The following TRPM3 variants were observed in gnomAD, a reference collection of about 807,000 sequenced individuals.
The protein encoded by TRPM3 is transient receptor potential cation channel subfamily M member 3, also known as long transient receptor potential channel 3.
TRPM3 carries 77 observed loss-of-function variants against 181.2 expected under a neutral mutation model. That is an observed-to-expected ratio of 0.42 (90% confidence interval 0.35 to 0.51). The LOEUF is 0.51. Ranked by LOEUF, TRPM3 falls within the 20% of genes least tolerant of loss-of-function variation. The pLI is 0.01. For missense variants in TRPM3, 1,759 were observed against 2,196.7 expected (o/e 0.80, Z 3.98); for synonymous variants, 745 against 796.4 (o/e 0.94, Z 1.09).
intron 1 of TRPM3, among the ~76,000 whole-genome samples, chr9:70,952,777 A>T (rs1162472022): frequency 6.6e-6 from 1 of 152,132 alleles, no homozygotes; most frequent in Non-Finnish European, 1.5e-5. Flanking sequence ...CTGGATAGGT[A>T]AGTAGGAACC....
At chr9:71,380,572 A>G (rs1428009137) in intron 1 of TRPM3, among the ~76,000 whole-genome samples, 1 of 152,106 alleles carries the variant, frequency 6.6e-6, no homozygotes, top group African/African-American at 2.4e-5. Context: ...ACTTCTTTTT[A>G]GGGAGACAGG....
chr9:71,139,511 A>C (rs188336838), intron 1 of TRPM3, among the ~76,000 whole-genome samples: 2 of 152,322 alleles, frequency 1.3e-5, no homozygotes, highest in African/African-American at 4.8e-5. Flanking sequence ...TTGGATAAGA[A>C]AAGGTTGGGG....
intron 6 of TRPM3, among the ~76,000 whole-genome samples, chr9:70,788,163 T>A (rs7034508): frequency 1.8e-5 from 1 of 54,294 alleles, no homozygotes. Context: ...CCCTCCCCCC[T>A]CCCCCCACCC....
intron 1 of TRPM3, among the ~76,000 whole-genome samples, chr9:71,261,344 T>G (rs1484678173): frequency 6.6e-6 from 1 of 152,222 alleles, no homozygotes; most frequent in Admixed American, 6.5e-5. Context: ...GCTGTGTTTT[T>G]CAGCTCCATC....
chr9:70,909,409 G>T (rs2096512170), intron 1 of TRPM3, among the ~76,000 whole-genome samples: 1 of 152,128 alleles, frequency 6.6e-6, no homozygotes, highest in Admixed American at 6.5e-5. Context: ...GTATGGTAGG[G>T]TTGGGCTTGA....
In TRPM3 at chr9:71,086,069, C is replaced by T. The variant is rs183677173; in HGVS notation, c.177+35109G>A. Among the ~76,000 whole-genome samples the T allele has an allele frequency of 2.6e-5, 4 of 152,038 alleles. No homozygotes were observed. In the East Asian group the frequency reaches 7.8e-4, roughly 29 times the overall value. On this transcript the variant is annotated intron_variant, in intron 1 of 25. Coordinates refer to ENST00000677713, the MANE Select transcript of TRPM3 (RefSeq NM_001366145.2). ...GCAGCAACATGGACACAGCTACAGGCCATTATCCTAAGCAAATGAATGCAG... is the reference window on the plus strand; with the variant it reads ...GCAGCAACATGGACACAGCTACAGGTCATTATCCTAAGCAAATGAATGCAG...
chr9:71,418,937 T>C (rs1282115802), intron 1 of TRPM3, among the ~76,000 whole-genome samples: 1 of 148,680 alleles, frequency 6.7e-6, no homozygotes, highest in Non-Finnish European at 1.5e-5. Context: ...TGTATATATA[T>C]ATATGTATTA....
At chr9:71,393,288 A>G (rs1251844045) in intron 1 of TRPM3, among the ~76,000 whole-genome samples, 1 of 152,190 alleles carries the variant, frequency 6.6e-6, no homozygotes, top group African/African-American at 2.4e-5. Context: ...GAATTTCTAC[A>G]GATTTTGAAT....
chr9:71,408,704 C>T (rs2093484617), intron 1 of TRPM3, among the ~76,000 whole-genome samples: 1 of 152,164 alleles, frequency 6.6e-6, no homozygotes, highest in Admixed American at 6.5e-5. Flanking sequence ...AGGAGAACTT[C>T]CCCAACCTAG....
exon 1 of TRPM3, chr9:71,446,710 C>G: frequency 1.3e-6 from 2 of 1,550,612 alleles, no homozygotes; most frequent in Non-Finnish European, 8.7e-7. Flanking sequence ...TGGAACTTAA[C>G]CTTTTCCACG....
intron 25 of TRPM3, among the ~76,000 whole-genome samples, chr9:70,546,013 G>A (rs567997461): frequency 1.3e-5 from 2 of 152,186 alleles, no homozygotes; most frequent in African/African-American, 2.4e-5. Flanking sequence ...TGCAGGCCTT[G>A]CTCATGCCAG....
At chr9:71,219,099 A>C (rs1298421289) in intron 1 of TRPM3, among the ~76,000 whole-genome samples, 1 of 152,208 alleles carries the variant, frequency 6.6e-6, no homozygotes, top group Non-Finnish European at 1.5e-5. Context: ...GATTGTGCTC[A>C]AAATTTTCTA....
chr9:71,419,470 T>C (rs1588944286), intron 1 of TRPM3, among the ~76,000 whole-genome samples: 1 of 152,000 alleles, frequency 6.6e-6, no homozygotes, highest in East Asian at 1.9e-4. Flanking sequence ...CTGAGATAAT[T>C]TGCTCCTAAA....
chr9:71,214,482 A>T (rs2079719971), intron 1 of TRPM3, among the ~76,000 whole-genome samples: 1 of 152,212 alleles, frequency 6.6e-6, no homozygotes, highest in East Asian at 1.9e-4. Flanking sequence ...GGAGCCAAAA[A>T]GGAGAAACAA....
At chr9:71,033,340 T>C (rs761171529) in intron 1 of TRPM3, among the ~76,000 whole-genome samples, 5 of 151,972 alleles carry the variant, frequency 3.3e-5, no homozygotes, top group African/African-American at 4.9e-5. Context: ...CTTAATGTCA[T>C]AGATAAGTTC....
intron 9 of TRPM3, among the ~76,000 whole-genome samples, chr9:70,646,424 A>G (rs537897848): frequency 6.6e-6 from 1 of 152,212 alleles, no homozygotes; most frequent in Non-Finnish European, 1.5e-5. Context: ...TTGCAGGGAC[A>G]TGGATGAATC....
intron 18 of TRPM3, among the ~76,000 whole-genome samples, chr9:70,614,414 C>A (rs964439361): frequency 6.6e-6 from 1 of 151,860 alleles, no homozygotes; most frequent in African/African-American, 2.4e-5. Flanking sequence ...CCCAGAGGAT[C>A]CCTTGAATCC....
At chr9:70,872,060 G>A (rs973127436) in intron 1 of TRPM3, among the ~76,000 whole-genome samples, 4 of 151,888 alleles carry the variant, frequency 2.6e-5, no homozygotes, top group Non-Finnish European at 5.9e-5. Context: ...TTTGACAACC[G>A]CATCAACTAA....
At chr9:70,752,913 C>A (rs2135117238) in intron 8 of TRPM3, among the ~76,000 whole-genome samples, 1 of 152,210 alleles carries the variant, frequency 6.6e-6, no homozygotes, top group East Asian at 1.9e-4. Context: ...AGTTCAAGAC[C>A]AGCCTGGCCA....
Sources: gnomAD v4.1 joint callset for allele counts (sites outside exome capture counted in the v4.1 genomes callset) on GRCh38, gnomAD v4.1.1 for gene constraint, MANE v1.5 for transcripts, NCBI Gene and HGNC (gene_info 2026-07-23, HGNC 2026-07-21) for gene names.